Variants in CDC123 observed in about 807,000 individuals in gnomAD.
CDC123 encodes cell division cycle 123.
Under a neutral mutation model 54.4 loss-of-function variants are expected in CDC123, and 37 were observed. That is an observed-to-expected ratio of 0.68 (90% CI 0.52 to 0.89). The LOEUF (loss-of-function observed/expected upper bound fraction) is 0.89. Among genes scored for constraint, CDC123 ranks in the 40% least tolerant of loss-of-function variants. CDC123 has a pLI of 0.00. For missense variants in CDC123, 361 were observed against 412.1 expected, an observed-to-expected ratio of 0.88 and a Z score of 1.07; for synonymous variants, 144 against 136.8, an observed-to-expected ratio of 1.05 and a Z score of -0.37.
intron 6 of CDC123, among the ~76,000 whole-genome samples, chr10:12,228,522 C>T (rs748565312): frequency 3.9e-5 from 6 of 151,910 alleles, no homozygotes; most frequent in Non-Finnish European, 5.9e-5. Context: ...TCTCCTATCT[C>T]AGCCTCCTGA....
intron 10 of CDC123, chr10:12,245,642 C>CT (rs141962532): frequency 0.03 from 4,540 of 152,470 alleles, 186 homozygotes; most frequent in South Asian, 0.1. Flanking sequence ...TACTGGGTCC[C>CT]TTCTCTCTTC....
chr10:12,224,023 T>A (rs1835771841), intron 6 of CDC123, among the ~76,000 whole-genome samples: 1 of 152,150 alleles, frequency 6.6e-6, no homozygotes, highest in African/African-American at 2.4e-5. Context: ...ACCCTCACCC[T>A]TTCCCCTGAG....
At chr10:12,219,338 G>GTGTGTGGTGTGTGTCTGTGTGTC (rs1835703563) in intron 6 of CDC123, among the ~76,000 whole-genome samples, 1 of 152,136 alleles carries the variant, frequency 6.6e-6, no homozygotes, top group African/African-American at 2.4e-5. Context: ...AAAAGTGTGT[G>GTGTGTGGTGTGTGTCTGTGTGTC]TGTGTGGTGT....
chr10:12,220,703 T>C (rs961888973), intron 6 of CDC123, among the ~76,000 whole-genome samples: 1 of 152,158 alleles, frequency 6.6e-6, no homozygotes, highest in Non-Finnish European at 1.5e-5. Context: ...AAATGCTGGG[T>C]GTGGTGGCTC....
rs10951 is a variant in CDC123 at position 12,250,345 on chromosome 10, A to G, written c.*8A>G. 0.61 allele frequency: 963,853 copies of G among 1,592,168 alleles called. 294,479 individuals are homozygous for G. Among genetic ancestry groups the G allele is most frequent in the African/African-American group, 0.7 (52,369 of 74,422 alleles). ...CAGCAGGAGGACGACTGATGAGCGT[A>G]CTGGAACTGGAGAAGAGGAGGCCCC... is the stretch of plus-strand genomic sequence containing the variant. On this transcript the variant is annotated 3_prime_UTR_variant, in exon 13 of 13. Transcript: ENST00000281141.
At chr10:12,200,826 G>A (rs779504961) in intron 2 of CDC123, among the ~76,000 whole-genome samples, 9 of 152,068 alleles carry the variant, frequency 5.9e-5, no homozygotes, top group East Asian at 1.9e-4. Context: ...CCTACTACTC[G>A]GGAAGCCGAG....
intron 2 of CDC123, among the ~76,000 whole-genome samples, chr10:12,207,932 G>C (rs1835543288): frequency 1.3e-5 from 2 of 152,178 alleles, no homozygotes; most frequent in Admixed American, 6.6e-5. Context: ...ATGTCTCGCT[G>C]CTCCCTGGAT....
At chr10:12,249,894 T>C in intron 12 of CDC123, 176 bp downstream of exon 12, 1 of 792,204 alleles carries the variant, frequency 1.3e-6, no homozygotes, top group Non-Finnish European at 1.9e-6. Flanking sequence ...GCTGAAGGCA[T>C]AATTTATTGA....
intron 6 of CDC123, among the ~76,000 whole-genome samples, chr10:12,218,523 G>A (rs1290015743): frequency 6.6e-6 from 1 of 152,190 alleles, no homozygotes; most frequent in African/African-American, 2.4e-5. Context: ...ACAGGTGTGA[G>A]CCACCACGCC....
Position 12,226,607 on chromosome 10 carries a change from A to G in CDC123, c.441-4341A>G, listed in dbSNP as rs573354005. On this transcript the variant is annotated intron_variant, in intron 6 of 12. Coordinates refer to ENST00000281141, the MANE Select transcript of CDC123 (RefSeq NM_006023.3). ...TCGCGGCTGGGCAGAGGCGCTCCTC[A>G]CATCCCAGACGGGGCGGCGGGGCAG... is the stretch of plus-strand genomic sequence containing the variant. 1.5e-4 allele frequency among the ~76,000 whole-genome samples: 22 copies of G among 146,896 alleles called. No individual in the cohort carries two copies. The South Asian group carries it at 4.8e-3, about 32-fold the overall frequency.
chr10:12,232,613 T>C (rs919308907), intron 7 of CDC123, among the ~76,000 whole-genome samples: 1 of 150,470 alleles, frequency 6.6e-6, no homozygotes, highest in African/African-American at 2.4e-5. Context: ...ACTTGTGAGA[T>C]TTTTTCCCCT....
At chr10:12,218,212 TAATGGGATCCTATAG>T (rs1402475484) in intron 6 of CDC123, among the ~76,000 whole-genome samples, 1 of 151,904 alleles carries the variant, frequency 6.6e-6, no homozygotes, top group African/African-American at 2.4e-5. Flanking sequence ...CAGATTTTTT[TAATGGGATCCTATAG>T]TTTGTATTTC....
intron 6 of CDC123, among the ~76,000 whole-genome samples, chr10:12,220,647 A>C (rs1409544342): frequency 6.6e-6 from 1 of 152,250 alleles, no homozygotes; most frequent in East Asian, 1.9e-4. Context: ...GAACTCAGTA[A>C]AGATGAATGT....
chr10:12,233,319 T>A (rs1470336834), intron 7 of CDC123, among the ~76,000 whole-genome samples: 2 of 117,006 alleles, frequency 1.7e-5, no homozygotes, highest in East Asian at 4.7e-4. Flanking sequence ...ACACACACTC[T>A]CTGTCTCTTT....
At chr10:12,197,881 C>CA (rs951145670) in intron 1 of CDC123, among the ~76,000 whole-genome samples, 5 of 151,258 alleles carry the variant, frequency 3.3e-5, no homozygotes, top group South Asian at 4.2e-4. Context: ...TGTAATGTGC[C>CA]AAAAAAAACT....
chr10:12,226,623 G>C (rs545709924), intron 6 of CDC123, among the ~76,000 whole-genome samples: 2 of 151,396 alleles, frequency 1.3e-5, no homozygotes, highest in African/African-American at 2.4e-5. Context: ...CAGACGGGGC[G>C]GCGGGGCAGA....
At chr10:12,235,854 C>T (rs1024285346) in intron 8 of CDC123, among the ~76,000 whole-genome samples, 2 of 152,120 alleles carry the variant, frequency 1.3e-5, no homozygotes, top group Admixed American at 6.5e-5. Flanking sequence ...TACTCTAAAG[C>T]GGGGGGTCCT....
At chr10:12,211,280 G>A (rs1241530139) in intron 4 of CDC123, among the ~76,000 whole-genome samples, 1 of 152,062 alleles carries the variant, frequency 6.6e-6, no homozygotes, top group Non-Finnish European at 1.5e-5. Context: ...CTCCTTACAA[G>A]TAAATGTAAA....
chr10:12,226,636 C>T (rs565572622), intron 6 of CDC123, among the ~76,000 whole-genome samples: 16 of 148,500 alleles, frequency 1.1e-4, no homozygotes, highest in South Asian at 4.3e-4. Context: ...GGGGCAGAGG[C>T]GCTCCTCACA....
Sources: gnomAD v4.1 joint callset for allele counts (sites outside exome capture counted in the v4.1 genomes callset) on GRCh38, gnomAD v4.1.1 for gene constraint, MANE v1.5 for transcripts, NCBI Gene and HGNC (gene_info 2026-07-23, HGNC 2026-07-21) for gene names.